TEC: variants seen among roughly 807,000 people sequenced by gnomAD.
TEC encodes the protein tyrosine-protein kinase Tec.
A neutral mutation model predicts 93.0 loss-of-function variants in TEC; 72 were observed. The ratio of observed to expected loss-of-function variants is 0.77; its 90% CI spans 0.64 to 0.94. The LOEUF is 0.94. Ranked by LOEUF, TEC falls within the 40% of genes least tolerant of loss-of-function variation. The pLI is 0.00. For synonymous variants in TEC, 249 were observed against 247.7 expected, an observed-to-expected ratio of 1.01 and a Z score of -0.05; for missense variants, 630 against 757.9, an observed-to-expected ratio of 0.83 and a Z score of 1.98.
chr4:48,228,171 A>G (rs1723537147), intron 2 of TEC, among the ~76,000 whole-genome samples: 1 of 152,218 alleles, frequency 6.6e-6, no homozygotes, highest in Non-Finnish European at 1.5e-5. Context: ...TTGCTAAAGA[A>G]GACTTTGATA....
chr4:48,224,541 T>C (rs1723378475), intron 2 of TEC, among the ~76,000 whole-genome samples: 1 of 152,186 alleles, frequency 6.6e-6, no homozygotes. Context: ...TCCAGTGTCC[T>C]TTGCTCTGTG....
intron 13 of TEC, 39 bp from the exon 14 acceptor site, chr4:48,145,334 G>A: frequency 6.2e-7 from 1 of 1,611,526 alleles, no homozygotes; most frequent in Non-Finnish European, 8.5e-7. Context: ...TATAGGAAAA[G>A]AAACTACCAA....
At chr4:48,212,654 T>G (rs1398274857) in intron 2 of TEC, among the ~76,000 whole-genome samples, 1 of 152,198 alleles carries the variant, frequency 6.6e-6, no homozygotes, top group African/African-American at 2.4e-5. Flanking sequence ...GAGGAAACCT[T>G]GAAATCCTCT....
chr4:48,137,541 C>T (rs751350218), intron 17 of TEC, 42 bp from the exon 18 acceptor site: 6 of 1,575,906 alleles, frequency 3.8e-6, no homozygotes, highest in African/African-American at 2.7e-5. Context: ...TTCCAGAATC[C>T]ATTCCACAAA....
intron 2 of TEC, among the ~76,000 whole-genome samples, chr4:48,183,230 A>G (rs967092249): frequency 6.6e-6 from 1 of 152,218 alleles, no homozygotes; most frequent in Non-Finnish European, 1.5e-5. Flanking sequence ...TTCTCCGTAG[A>G]AATAGGACAA....
chr4:48,228,894 T>C (rs1170543133), intron 1 of TEC, among the ~76,000 whole-genome samples: 1 of 152,352 alleles, frequency 6.6e-6, no homozygotes, highest in South Asian at 2.1e-4. Flanking sequence ...ATCAAGGTTC[T>C]TCATGATGAT....
At chr4:48,141,931 G>C (rs1456649128) in intron 14 of TEC, among the ~76,000 whole-genome samples, 2 of 152,070 alleles carry the variant, frequency 1.3e-5, no homozygotes, top group African/African-American at 4.8e-5. Flanking sequence ...TAGGATTATA[G>C]TCACGAGCAA....
chr4:48,166,430 C>T (rs1435624769), intron 7 of TEC, among the ~76,000 whole-genome samples: 1 of 152,044 alleles, frequency 6.6e-6, no homozygotes, highest in Non-Finnish European at 1.5e-5. Flanking sequence ...ACTCTTCCTC[C>T]AGGTACAAAA....
chr4:48,163,936 A>G, intron 7 of TEC, among the ~76,000 whole-genome samples, 169 bp from the exon 8 acceptor site: 1 of 152,246 alleles, frequency 6.6e-6, no homozygotes, highest in East Asian at 1.9e-4. Flanking sequence ...GACATTTTAC[A>G]AAGTACTTTC....
intron 8 of TEC, among the ~76,000 whole-genome samples, chr4:48,158,832 G>C (rs960596169): frequency 6.6e-6 from 1 of 152,178 alleles, no homozygotes; most frequent in African/African-American, 2.4e-5. Context: ...CAAAAGGAAG[G>C]CTCTTGAAAA....
chr4:48,156,364 T>C (rs1480415852), intron 9 of TEC, among the ~76,000 whole-genome samples: 1 of 152,200 alleles, frequency 6.6e-6, no homozygotes, highest in African/African-American at 2.4e-5. Flanking sequence ...GCTGAAGACA[T>C]GTCCAGCTGC....
At chr4:48,184,490 G>T (rs73814682) in intron 2 of TEC, among the ~76,000 whole-genome samples, 4 of 152,274 alleles carry the variant, frequency 2.6e-5, no homozygotes, top group African/African-American at 9.6e-5. Flanking sequence ...GAATCTCTCC[G>T]TAAGTAGTTC....
chr4:48,157,809 C>T (rs547561033), intron 8 of TEC, among the ~76,000 whole-genome samples: 1 of 152,302 alleles, frequency 6.6e-6, no homozygotes, highest in South Asian at 2.1e-4. Flanking sequence ...AGCCACCATG[C>T]CTGGCCCTGT....
intron 2 of TEC, among the ~76,000 whole-genome samples, chr4:48,179,076 C>T (rs1369549725): frequency 6.6e-6 from 1 of 152,044 alleles, no homozygotes; most frequent in Non-Finnish European, 1.5e-5. Flanking sequence ...TTCCTTTTCT[C>T]CCTTCCCTTC....
rs145353815 is a variant in TEC, at chr4:48,211,227, G to C, written c.138+17250C>G. 2.9e-3 allele frequency among the ~76,000 whole-genome samples: 440 copies of C among 152,274 alleles called. 4 individuals carry two copies. The highest frequency in any genetic ancestry group is 0.01 in the African/African-American group (425 of 41,550). ...AACTCAGAGATGGACCTAGACCACA[G>C]CTAAAGTTTCCTACAACTAAGAAGG... On this transcript the variant is annotated intron_variant, in intron 2 of 17. Coordinates refer to ENST00000381501, the MANE Select transcript of TEC (RefSeq NM_003215.3).
chr4:48,233,777 T>A (rs1723706494), intron 1 of TEC, among the ~76,000 whole-genome samples: 1 of 143,832 alleles, frequency 7.0e-6, no homozygotes, highest in Non-Finnish European at 1.5e-5. Context: ...ACTTAAAAAC[T>A]CAATGGAAAA....
At chr4:48,230,322 C>T (rs1313321232) in intron 1 of TEC, among the ~76,000 whole-genome samples, 3 of 152,108 alleles carry the variant, frequency 2.0e-5, no homozygotes, top group Admixed American at 2.0e-4. Context: ...GGTTCCTTTA[C>T]AACAGCTTCT....
intron 2 of TEC, among the ~76,000 whole-genome samples, chr4:48,212,239 A>G (rs1360322122): frequency 5.3e-5 from 8 of 152,014 alleles, no homozygotes; most frequent in Non-Finnish European, 7.4e-5. Context: ...ACAGGGGTAC[A>G]GTGCGGAAAA....
chr4:48,200,574 A>G (rs1388762776), intron 2 of TEC, among the ~76,000 whole-genome samples: 1 of 152,152 alleles, frequency 6.6e-6, no homozygotes, highest in African/African-American at 2.4e-5. Context: ...TAATAATGGA[A>G]CCCTGATTTT....
Sources: allele counts gnomAD v4.1 joint callset (sites outside exome capture counted in the v4.1 genomes callset), GRCh38; gene constraint gnomAD v4.1.1; transcripts MANE v1.5; gene names NCBI Gene and HGNC (gene_info 2026-07-23, HGNC 2026-07-21).